Variants in ARK2C observed in about 807,000 individuals in gnomAD.
ARK2C encodes arkadia (RNF111) C-terminal like ring finger ubiquitin ligase 2C.
At chr18:46,420,128 C>T in the ARK2C span, among the ~76,000 whole-genome samples, 1 of 152,186 alleles carries the variant, frequency 6.6e-6, no homozygotes, top group Non-Finnish European at 1.5e-5. Context: ...CCCATGGCGC[C>T]TCCACTCACC....
chr18:46,436,298 G>A, the ARK2C span, among the ~76,000 whole-genome samples: 1 of 152,090 alleles, frequency 6.6e-6, no homozygotes, highest in South Asian at 2.1e-4. Flanking sequence ...GTGCGTGTAA[G>A]TATATACATT....
chr18:46,442,120 G>A, the ARK2C span, among the ~76,000 whole-genome samples: 2 of 147,860 alleles, frequency 1.4e-5, no homozygotes, highest in African/African-American at 5.0e-5. Context: ...TCGAGATCGC[G>A]CCACTGCGCT....
chr18:46,406,128 C>T, the ARK2C span, among the ~76,000 whole-genome samples: 1 of 152,170 alleles, frequency 6.6e-6, no homozygotes, highest in Admixed American at 6.5e-5. Flanking sequence ...CTCATAGACA[C>T]ACACTTACCC....
chr18:46,378,452 C>T, the ARK2C span, among the ~76,000 whole-genome samples: 3 of 152,146 alleles, frequency 2.0e-5, no homozygotes, highest in African/African-American at 7.2e-5. Flanking sequence ...GGAGGGGCAG[C>T]GTGAGAAGTG....
the ARK2C span, among the ~76,000 whole-genome samples, chr18:46,357,847 G>A: frequency 6.6e-6 from 1 of 152,192 alleles, no homozygotes; most frequent in Non-Finnish European, 1.5e-5. Context: ...CTGTCCGCGG[G>A]GCCAGCCGTC....
the ARK2C span, among the ~76,000 whole-genome samples, chr18:46,355,412 C>T: frequency 6.6e-6 from 1 of 152,206 alleles, no homozygotes; most frequent in South Asian, 2.1e-4. Flanking sequence ...GAGGATTCTC[C>T]TTCTGCCTCA....
At chr18:46,340,710 G>T in the ARK2C span, among the ~76,000 whole-genome samples, 2,883 of 152,316 alleles carry the variant, frequency 0.019, 44 homozygotes, top group Non-Finnish European at 0.031. Flanking sequence ...ACTGATGACT[G>T]CCATGAAACC....
the ARK2C span, among the ~76,000 whole-genome samples, chr18:46,363,462 T>A: frequency 1.3e-5 from 2 of 152,218 alleles, no homozygotes; most frequent in Non-Finnish European, 2.9e-5. Context: ...CAGTGCCCGT[T>A]CCTGGCTTCT....
At chr18:46,423,115 C>T in the ARK2C span, among the ~76,000 whole-genome samples, 3 of 152,166 alleles carry the variant, frequency 2.0e-5, no homozygotes, top group Non-Finnish European at 4.4e-5. Context: ...TCAACCTTTC[C>T]ATCAGTTAAA....
At chr18:46,455,630 A>T in the ARK2C span, among the ~76,000 whole-genome samples, 1 of 152,118 alleles carries the variant, frequency 6.6e-6, no homozygotes, top group Non-Finnish European at 1.5e-5. Context: ...TGAGCTCAGG[A>T]GTTCAAGACC....
At chr18:46,424,457 G>T in the ARK2C span, among the ~76,000 whole-genome samples, 18 of 152,166 alleles carry the variant, frequency 1.2e-4, no homozygotes, top group African/African-American at 3.9e-4. Flanking sequence ...GAAGGTCAGC[G>T]CTGGTCCTTG....
At chr18:46,406,246 C>T in the ARK2C span, among the ~76,000 whole-genome samples, 1 of 152,230 alleles carries the variant, frequency 6.6e-6, no homozygotes, top group Non-Finnish European at 1.5e-5. Context: ...ACCCCCCTCT[C>T]AACCTCCCCA....
chr18:46,399,435 C>A, the ARK2C span, among the ~76,000 whole-genome samples: 1 of 152,210 alleles, frequency 6.6e-6, no homozygotes, highest in East Asian at 1.9e-4. Context: ...GGAATGTGTG[C>A]ATTTGTACTG....
At chr18:46,392,896 A>C in the ARK2C span, among the ~76,000 whole-genome samples, 2 of 152,048 alleles carry the variant, frequency 1.3e-5, no homozygotes, top group Non-Finnish European at 2.9e-5. Context: ...AGTGACTCCT[A>C]ATCCTGCTAC....
the ARK2C span, among the ~76,000 whole-genome samples, chr18:46,416,368 C>T: frequency 6.6e-6 from 1 of 152,186 alleles, no homozygotes; most frequent in African/African-American, 2.4e-5. Context: ...CCATCCTTCC[C>T]TCCCTCCATC....
the ARK2C span, chr18:46,458,235 C>T: frequency 1.3e-5 from 2 of 152,612 alleles, no homozygotes; most frequent in East Asian, 1.9e-4. Flanking sequence ...TCACAATTTT[C>T]CTGAACCCCA....
the ARK2C span, among the ~76,000 whole-genome samples, chr18:46,441,615 G>A: frequency 2.6e-5 from 4 of 152,270 alleles, no homozygotes; most frequent in East Asian, 1.9e-4. Context: ...CAGGCCAGGC[G>A]CGGTGGCTCA....
chr18:46,407,467 T>C, the ARK2C span, among the ~76,000 whole-genome samples: 1 of 152,232 alleles, frequency 6.6e-6, no homozygotes, highest in Non-Finnish European at 1.5e-5. Context: ...CCAAATATCA[T>C]TTCTAATCCT....
the ARK2C span, among the ~76,000 whole-genome samples, chr18:46,384,832 A>C: frequency 6.6e-6 from 1 of 152,184 alleles, no homozygotes; most frequent in African/African-American, 2.4e-5. Flanking sequence ...GCCTGGGCAA[A>C]ATAGCAAGAC....
Sources: gnomAD v4.1 joint callset for allele counts (sites outside exome capture counted in the v4.1 genomes callset) on GRCh38, gnomAD v4.1.1 for gene constraint, MANE v1.5 for transcripts, NCBI Gene and HGNC (gene_info 2026-07-23, HGNC 2026-07-21) for gene names.